Variants in HS3ST3A1 observed in about 807,000 individuals in gnomAD.
The protein encoded by HS3ST3A1 is heparan sulfate-glucosamine 3-sulfotransferase 3A1, also known as heparan sulfate glucosamine 3-O-sulfotransferase 3A1.
HS3ST3A1 carries 19 observed loss-of-function variants against 25.7 expected under a neutral mutation model. That is an observed-to-expected ratio of 0.74 (90% CI 0.52 to 1.08). The LOEUF (loss-of-function observed/expected upper bound fraction) is 1.08, where lower values mean the gene tolerates loss of function less well. Ranked by LOEUF, HS3ST3A1 falls within the 50% of genes least tolerant of loss-of-function variation. The pLI is 0.00. For synonymous variants in HS3ST3A1, 226 were observed against 278.6 expected (o/e 0.81, Z 1.88); for missense variants, 459 against 594.3 (o/e 0.77, Z 2.37).
At chr17:13,565,593 C>T (rs1907657441) in intron 1 of HS3ST3A1, among the ~76,000 whole-genome samples, 1 of 152,122 alleles carries the variant, frequency 6.6e-6, no homozygotes, top group Non-Finnish European at 1.5e-5. Flanking sequence ...CTCCACTTCA[C>T]CTTTCTCTCA....
At chr17:13,583,549 C>T (rs1908169809) in intron 1 of HS3ST3A1, among the ~76,000 whole-genome samples, 1 of 152,124 alleles carries the variant, frequency 6.6e-6, no homozygotes, top group African/African-American at 2.4e-5. Context: ...CTCCCTCATC[C>T]CCTCCAGAAA....
At chr17:13,537,444 G>A (rs963317065) in intron 1 of HS3ST3A1, among the ~76,000 whole-genome samples, 14 of 152,094 alleles carry the variant, frequency 9.2e-5, no homozygotes, top group Non-Finnish European at 1.6e-4. Flanking sequence ...TCCAGGCTCC[G>A]GGGGCCGCCT....
rs193233042 is a variant in HS3ST3A1, at chr17:13,568,888, C to T, written c.599+31643G>A. Among the ~76,000 whole-genome samples, 7 of 152,308 alleles carry T rather than the reference C, an allele frequency of 4.6e-5. No individual in the cohort carries two copies. In the East Asian group the frequency reaches 1.2e-3, roughly 25 times the overall value. ...CTCAGCTTGTGGTTCTCACACTTCA[C>T]GGGAAGCATAAACTCAGGCCACATG... On this transcript the variant is annotated intron_variant, in intron 1 of 1. Transcript: ENST00000284110.
intron 1 of HS3ST3A1, among the ~76,000 whole-genome samples, chr17:13,595,002 T>G (rs1216800414): frequency 6.6e-6 from 1 of 152,214 alleles, no homozygotes; most frequent in Non-Finnish European, 1.5e-5. Context: ...AGTCGGTGAA[T>G]AGTTTGTGTT....
rs532563115 is a variant in HS3ST3A1, at chr17:13,544,118, G to C, written c.600-47300C>G. Among the ~76,000 whole-genome samples the C allele has an allele frequency of 5.3e-5, 8 of 152,002 alleles. No homozygotes were observed. In the South Asian group the frequency reaches 1.7e-3, roughly 32 times the overall value. On this transcript the variant is annotated intron_variant, in intron 1 of 1. Transcript: ENST00000284110. Reference sequence around the variant, plus strand: ...ATCAAATGAAAATATTCCAAGAAAAGAAAAAATATATAATGCTTTCCATTC... The same window carrying C: ...ATCAAATGAAAATATTCCAAGAAAACAAAAAATATATAATGCTTTCCATTC...
At chr17:13,571,494 T>A (rs1271224524) in intron 1 of HS3ST3A1, among the ~76,000 whole-genome samples, 1 of 152,178 alleles carries the variant, frequency 6.6e-6, no homozygotes, top group Non-Finnish European at 1.5e-5. Context: ...GGTTACCAAC[T>A]GGCCAACCTC....
intron 1 of HS3ST3A1, among the ~76,000 whole-genome samples, chr17:13,506,347 G>A (rs1210478299): frequency 2.0e-5 from 3 of 152,282 alleles, no homozygotes; most frequent in Non-Finnish European, 4.4e-5. Context: ...TGTCCTCAAT[G>A]TCTGTAGGAC....
At chr17:13,562,428 G>T (rs573514204) in intron 1 of HS3ST3A1, among the ~76,000 whole-genome samples, 6 of 152,098 alleles carry the variant, frequency 3.9e-5, no homozygotes, top group Non-Finnish European at 1.5e-5. Flanking sequence ...ACAGCGGGTG[G>T]GGGGGAAAGT....
At chr17:13,518,535 T>C (rs1177177869) in intron 1 of HS3ST3A1, among the ~76,000 whole-genome samples, 1 of 152,208 alleles carries the variant, frequency 6.6e-6, no homozygotes, top group East Asian at 1.9e-4. Context: ...ATCCCTGCCA[T>C]TTGCCATGGA....
chr17:13,583,434 G>A lies in HS3ST3A1; in HGVS notation c.599+17097C>T, dbSNP rs61425347. Among the ~76,000 whole-genome samples, 2,440 of 152,180 alleles carry A rather than the reference G, an allele frequency of 0.016. 130 individuals are homozygous for A. The East Asian group carries it at 0.17, about 10-fold the overall frequency. ...AAGGAGTCTGGCTTTATTTTAATCA[G>A]GATATTAGAAAAGTGAAGATCTCAG... On this transcript the variant is annotated intron_variant, in intron 1 of 1. Transcript: ENST00000284110.
At chr17:13,583,357 T>C (rs1908165167) in intron 1 of HS3ST3A1, among the ~76,000 whole-genome samples, 1 of 152,250 alleles carries the variant, frequency 6.6e-6, no homozygotes, top group Non-Finnish European at 1.5e-5. Flanking sequence ...GTGGAGTTTC[T>C]GGTCATGCAA....
Position 13,496,056 on chromosome 17 carries a change from G to C in HS3ST3A1, c.*141C>G, listed in dbSNP as rs1484049002. ...GTTGGTTATACATTAAGATGGGGCG[G>C]GAGTGAGAACAATCTCTTAACATTC... On this transcript the variant is annotated 3_prime_UTR_variant, in exon 2 of 2. Coordinates refer to ENST00000284110, the MANE Select transcript of HS3ST3A1 (RefSeq NM_006042.3). 20 of 1,039,278 alleles carry C rather than the reference G, an allele frequency of 1.9e-5. No individual in the cohort carries two copies. Among genetic ancestry groups the C allele is most frequent in the Non-Finnish European group, 2.5e-5 (19 of 745,102 alleles). The allele number at this position is 1,039,278 out of a possible 1,614,324, so 64.4% of individuals were successfully genotyped here. A position where few individuals can be genotyped will look rare whatever the true frequency, so the allele number is the denominator to read the frequency against.
intron 1 of HS3ST3A1, among the ~76,000 whole-genome samples, chr17:13,553,274 T>C (rs1907289432): frequency 6.6e-6 from 1 of 152,192 alleles, no homozygotes; most frequent in African/African-American, 2.4e-5. Context: ...CAGGAAGCGC[T>C]GATGCCCCAG....
At chr17:13,599,679 G>A (rs988581225) in intron 1 of HS3ST3A1, among the ~76,000 whole-genome samples, 54 of 152,206 alleles carry the variant, frequency 3.5e-4, no homozygotes, top group African/African-American at 1.1e-3. Context: ...AAGGTGGTCT[G>A]AATTTGAAGA....
At chr17:13,514,093 A>T (rs939153492) in intron 1 of HS3ST3A1, among the ~76,000 whole-genome samples, 8 of 151,946 alleles carry the variant, frequency 5.3e-5, no homozygotes, top group Admixed American at 1.3e-4. Flanking sequence ...ATTTTCAAAG[A>T]CATTTTTTGG....
At chr17:13,562,586 CA>C (rs2142366464) in intron 1 of HS3ST3A1, among the ~76,000 whole-genome samples, 1 of 129,662 alleles carries the variant, frequency 7.7e-6, no homozygotes, top group South Asian at 2.8e-4. Flanking sequence ...AGTCCTTTAA[CA>C]TCCTCCACCC....
At chr17:13,541,127 G>GTGGTTTGAATGAGTTTTTGAA (rs1906919899) in intron 1 of HS3ST3A1, among the ~76,000 whole-genome samples, 1 of 152,168 alleles carries the variant, frequency 6.6e-6, no homozygotes, top group African/African-American at 2.4e-5. Flanking sequence ...GTTCTACTCT[G>GTGGTTTGAATGAGTTTTTGAA]TGGTTTGAAT....
chr17:13,524,169 A>G (rs1278667093), intron 1 of HS3ST3A1, among the ~76,000 whole-genome samples: 3 of 152,218 alleles, frequency 2.0e-5, no homozygotes, highest in Non-Finnish European at 4.4e-5. Flanking sequence ...GGCCAAGTAT[A>G]TACACATTTT....
At chr17:13,560,657 A>G (rs1907519135) in intron 1 of HS3ST3A1, among the ~76,000 whole-genome samples, 1 of 152,214 alleles carries the variant, frequency 6.6e-6, no homozygotes, top group Admixed American at 6.5e-5. Context: ...CTAACAATAT[A>G]GCTCCATTAC....
Sources: gnomAD v4.1 joint callset for allele counts (sites outside exome capture counted in the v4.1 genomes callset) on GRCh38, gnomAD v4.1.1 for gene constraint, MANE v1.5 for transcripts, NCBI Gene and HGNC (gene_info 2026-07-23, HGNC 2026-07-21) for gene names.